The following ZFP64 variants were observed in gnomAD, a reference collection of about 807,000 sequenced individuals.
ZFP64 encodes zinc finger protein 64.
ZFP64 carries 14 observed loss-of-function variants against 51.6 expected under a neutral mutation model. The ratio of observed to expected loss-of-function variants is 0.27; its 90% CI spans 0.18 to 0.42. The LOEUF (loss-of-function observed/expected upper bound fraction) is 0.42. ZFP64 is among the 10% of genes least tolerant of loss of function. The pLI, the probability that ZFP64 is intolerant of heterozygous loss-of-function variation, is 1.00. For synonymous variants in ZFP64, 375 were observed against 361.4 expected, an observed-to-expected ratio of 1.04 and a Z score of -0.43; for missense variants, 754 against 906.8, an observed-to-expected ratio of 0.83 and a Z score of 2.16.
rs1466073674 is a variant in ZFP64, at chr20:52,153,651, G to A, written c.764-223C>T. On this transcript the variant is annotated intron_variant, in intron 5 of 5. Transcript: ENST00000216923. This position sits in a 1 kb window ranked among gnomAD's most constrained non-coding sequence, Gnocchi z 5.1. ...CGGTATCAAACCCAGAAGAAAAATGGGAGATCGAAAAGAGCAATTTAATTG... is the reference window on the plus strand; with the variant it reads ...CGGTATCAAACCCAGAAGAAAAATGAGAGATCGAAAAGAGCAATTTAATTG... Among the ~76,000 whole-genome samples, 1 of 152,140 alleles carries A rather than the reference G, an allele frequency of 6.6e-6. No individual in the cohort carries two copies. The highest frequency in any genetic ancestry group is 1.5e-5 in the Non-Finnish European group (1 of 68,032).
At chr20:52,102,840 A>AAG (rs1188207685) in intron 5 of ZFP64, among the ~76,000 whole-genome samples, 3 of 152,226 alleles carry the variant, frequency 2.0e-5, no homozygotes, top group African/African-American at 7.2e-5. Context: ...TAGTATATGT[A>AAG]AGAGAACCTC....
At chr20:52,132,743 G>C (rs1342254382) in intron 5 of ZFP64, among the ~76,000 whole-genome samples, 2 of 152,060 alleles carry the variant, frequency 1.3e-5, no homozygotes, top group Admixed American at 6.6e-5. Flanking sequence ...AAACGCCTGG[G>C]ACTCGATGGC....
At chr20:52,148,655 C>A (rs1169833279), downstream of ZFP64, among the ~76,000 whole-genome samples, 1 of 150,704 alleles carries the variant, frequency 6.6e-6, no homozygotes, top group Admixed American at 6.6e-5. Flanking sequence ...GAGCTGAGAT[C>A]GCGCCACGGC....
chr20:52,174,599 T>C (rs570031338), intron 2 of ZFP64, among the ~76,000 whole-genome samples: 7 of 152,134 alleles, frequency 4.6e-5, no homozygotes, highest in African/African-American at 1.4e-4. Flanking sequence ...CATCTTATCA[T>C]GTTGTCATTC....
downstream of ZFP64, among the ~76,000 whole-genome samples, chr20:52,148,446 A>T (rs933397600): frequency 6.6e-6 from 1 of 152,246 alleles, no homozygotes; most frequent in African/African-American, 2.4e-5. Context: ...ATGAGCTGTA[A>T]TCCCAGCACT....
chr20:52,151,333 C>T lies in ZFP64; in HGVS notation c.*813G>A. The T allele has an allele frequency of 1.0e-6, 1 of 985,286 alleles. No individual in the cohort carries two copies. The highest frequency in any genetic ancestry group is 1.2e-6 in the Non-Finnish European group (1 of 829,880). 61.0% of individuals were successfully genotyped at this position (985,286 alleles called of 1,614,324 possible). A position where few individuals can be genotyped will look rare whatever the true frequency, so the allele number is the denominator to read the frequency against. On this transcript the variant is annotated 3_prime_UTR_variant, in exon 6 of 6. Transcript: ENST00000216923. The stretch of plus-strand genomic sequence containing the variant: ...GAACCATTCATTTTCTGCTCATTAG[C>T]ACTAAACATTTTTTTTTGGGTCAAG...
downstream of ZFP64, among the ~76,000 whole-genome samples, chr20:52,149,675 A>G (rs1187805901): frequency 4.6e-5 from 7 of 152,312 alleles, no homozygotes; most frequent in Admixed American, 6.5e-5. Flanking sequence ...TCCAAAGAGT[A>G]AGTTTTACTG....
intron 5 of ZFP64, among the ~76,000 whole-genome samples, chr20:52,103,373 G>A (rs1320302281): frequency 6.6e-6 from 1 of 152,206 alleles, no homozygotes; most frequent in Non-Finnish European, 1.5e-5. Context: ...CCCCTTGCCA[G>A]TGTCGCAGAC....
rs1383392241 is a variant in ZFP64, at chr20:52,086,139, AT to A, written c.1229-874del. ...TTTCTTTTCACCTTTAAGTAAAAAAATATTTCCATTCTGTCTGGTGAATTCT... is the reference window on the plus strand; with the variant it reads ...TTTCTTTTCACCTTTAAGTAAAAAAAATTTCCATTCTGTCTGGTGAATTCT... On this transcript the variant is annotated intron_variant, in intron 8 of 8. Transcript: ENST00000361387. Among the ~76,000 whole-genome samples, 5 of 152,170 alleles carry A rather than the reference AT, an allele frequency of 3.3e-5. No homozygotes were observed. The South Asian group carries it at 8.3e-4, about 25-fold the overall frequency.
intron 5 of ZFP64, among the ~76,000 whole-genome samples, chr20:52,144,578 C>CAA (rs1156545584): frequency 0.012 from 284 of 23,266 alleles, 63 homozygotes; most frequent in African/African-American, 0.042. Context: ...GACTCCGTCT[C>CAA]AAAAAAAAAA....
chr20:52,176,990 A>G (rs1359750277), intron 2 of ZFP64, among the ~76,000 whole-genome samples: 1 of 152,140 alleles, frequency 6.6e-6, no homozygotes, highest in Non-Finnish European at 1.5e-5. Flanking sequence ...GACTTCACCA[A>G]ACAGGAAAAA....
intron 5 of ZFP64, among the ~76,000 whole-genome samples, chr20:52,104,356 G>A (rs1200333620): frequency 1.3e-5 from 2 of 152,194 alleles, no homozygotes; most frequent in South Asian, 2.1e-4. Flanking sequence ...CTGCCCGGGG[G>A]GCTTAAGGTA....
chr20:52,084,967 G>A (rs1429507580), exon 9 of ZFP64: 1 of 1,613,810 alleles, frequency 6.2e-7, no homozygotes, highest in Admixed American at 1.7e-5. Flanking sequence ...TGCACGCGCA[G>A]GGCGGCCGCG....
At position 52,187,025 on chromosome 20, in the gene ZFP64, A is replaced by G. The variant is rs1984020112; in HGVS notation, c.93T>C (p.His31=). 6.2e-7 allele frequency: 1 copy of G among 1,613,140 alleles called. No homozygotes were observed. Among genetic ancestry groups the G allele is most frequent in the African/African-American group, 1.3e-5 (1 of 75,050 alleles). The change falls in exon 2 of 6, where the codon CAT becomes CAC. Residue 31 remains histidine (H), a synonymous_variant. Coordinates refer to ENST00000216923, the MANE Select transcript of ZFP64 (RefSeq NM_018197.3). ...ACTGCTGCTTGCAGATGCCGCAGATATGGATGTCGGGAGTCAGCTCCACCA... is the reference window on the plus strand; with the variant it reads ...ACTGCTGCTTGCAGATGCCGCAGATGTGGATGTCGGGAGTCAGCTCCACCA... The part of the protein sequence containing the change: ...TVLVELTPDI[H]ICGICKQQFN...
chr20:52,162,515 T>A (rs2123013505), intron 4 of ZFP64, among the ~76,000 whole-genome samples: 1 of 151,688 alleles, frequency 6.6e-6, no homozygotes, highest in Middle Eastern at 3.4e-3. Context: ...TAGTCCCAGC[T>A]ACTCGGGAGA....
At chr20:52,104,934 G>A (rs1425902247) in intron 5 of ZFP64, 1 of 685,048 alleles carries the variant, frequency 1.5e-6, no homozygotes. Flanking sequence ...AGGCGGGGAA[G>A]GGGACGGTGG....
At chr20:52,086,223 G>A (rs2078862377) in intron 8 of ZFP64, among the ~76,000 whole-genome samples, 1 of 152,092 alleles carries the variant, frequency 6.6e-6, no homozygotes, top group South Asian at 2.1e-4. Context: ...TAATTTAAAT[G>A]GTGACTGGGA....
chr20:52,188,606 C>T (rs948633552), intron 1 of ZFP64, among the ~76,000 whole-genome samples: 16 of 151,110 alleles, frequency 1.1e-4, no homozygotes, highest in Middle Eastern at 3.2e-3. Context: ...AGTGAGCCAC[C>T]GCACCCGGCC....
At chr20:52,169,481 C>T (rs1205086884) in intron 2 of ZFP64, among the ~76,000 whole-genome samples, 2 of 152,116 alleles carry the variant, frequency 1.3e-5, no homozygotes, top group Non-Finnish European at 2.9e-5. Context: ...TGGCCAGGTC[C>T]TCCCTACAAG....
Sources: allele counts gnomAD v4.1 joint callset (sites outside exome capture counted in the v4.1 genomes callset), GRCh38; gene constraint gnomAD v4.1.1; non-coding constraint Gnocchi (gnomAD v3.1); transcripts MANE v1.5; gene names NCBI Gene and HGNC (gene_info 2026-07-23, HGNC 2026-07-21).